Variants in PTPN23 observed in about 807,000 individuals in gnomAD.
PTPN23 encodes protein tyrosine phosphatase non-receptor type 23, also known as tyrosine-protein phosphatase non-receptor type 23.
In PTPN23, 72 loss-of-function variants were observed where a neutral mutation model predicts 156.3. The observed-to-expected ratio is 0.46, with a 90% CI of 0.38 to 0.56. The LOEUF (loss-of-function observed/expected upper bound fraction) is 0.56, where lower values mean the gene tolerates loss of function less well. Among genes scored for constraint, PTPN23 ranks in the 20% least tolerant of loss-of-function variants. The pLI is 0.00. For synonymous variants in PTPN23, 957 were observed against 899.6 expected (o/e 1.06, Z -1.14); for missense variants, 1,974 against 2,171.5 (o/e 0.91, Z 1.81).
In PTPN23 at chr3:47,412,694, C is replaced by T. The variant is rs376023464; in HGVS notation, c.4432-12C>T. On this transcript the variant is annotated splice_polypyrimidine_tract_variant and intron_variant, in intron 24 of 24. Coordinates refer to ENST00000265562, the MANE Select transcript of PTPN23 (RefSeq NM_015466.4). Reference sequence around the variant, plus strand: ...TTGGGACTCCCTCTCCTCACTCACTCTGTCTTCTCAGAACCACCTTCCTCA... The same window carrying T: ...TTGGGACTCCCTCTCCTCACTCACTTTGTCTTCTCAGAACCACCTTCCTCA... 11 of 1,597,910 alleles carry T rather than the reference C, an allele frequency of 6.9e-6. No individual in the cohort carries two copies. Among genetic ancestry groups the T allele is most frequent in the Non-Finnish European group, 9.4e-6 (11 of 1,170,044 alleles).
At chr3:47,408,665 G>A (rs1023233388) in intron 15 of PTPN23, 111 bp from the exon 16 acceptor site, 1 of 1,435,518 alleles carries the variant, frequency 7.0e-7, no homozygotes, top group Non-Finnish European at 9.5e-7. Flanking sequence ...AGTGTGCGCT[G>A]GGCCTCACTT....
intron 2 of PTPN23, among the ~76,000 whole-genome samples, chr3:47,400,217 C>T (rs948894999): frequency 2.0e-5 from 3 of 152,254 alleles, no homozygotes; most frequent in South Asian, 2.1e-4. Context: ...AGGCAGTCCT[C>T]TTTCCCTGAT....
intron 2 of PTPN23, among the ~76,000 whole-genome samples, chr3:47,403,144 G>T (rs1392639737): frequency 7.0e-6 from 1 of 143,244 alleles, no homozygotes; most frequent in Non-Finnish European, 1.6e-5. Flanking sequence ...TCCGCCCCCC[G>T]GGGGTTCACG....
chr3:47,391,847 G>GT (rs1406754106), intron 1 of PTPN23, among the ~76,000 whole-genome samples: 1 of 152,144 alleles, frequency 6.6e-6, no homozygotes, highest in African/African-American at 2.4e-5. Context: ...ATATAGTCAA[G>GT]TTTTACCTCA....
rs372674995 is a variant in PTPN23 at position 47,399,213 on chromosome 3, A to G, written c.159+2996A>G. Among the ~76,000 whole-genome samples, 91 of 152,312 alleles carry G rather than the reference A, an allele frequency of 6.0e-4. 8 individuals carry two copies. In the East Asian group the frequency reaches 9.3e-3, roughly 16 times the overall value. On this transcript the variant is annotated intron_variant, in intron 2 of 24. Transcript: ENST00000265562. ...CTTTTTGTCCATGCTGGCTCCCACA[A>G]GCTGCTCCTGGAACTGGTGCTGGGG...
chr3:47,393,211 G>A (rs1460436132), intron 1 of PTPN23, among the ~76,000 whole-genome samples: 1 of 152,086 alleles, frequency 6.6e-6, no homozygotes, highest in African/African-American at 2.4e-5. Context: ...GGAGTGCAGT[G>A]TTGTAATCTC....
rs1705117425 is a variant in PTPN23 at position 47,406,126 on chromosome 3, T to C, written c.546+80T>C. 7.7e-6 allele frequency: 12 copies of C among 1,558,338 alleles called. No individual in the cohort carries two copies. The highest frequency in any genetic ancestry group is 1.2e-5 in the South Asian group (1 of 84,640). On this transcript the variant is annotated intron_variant, in intron 6 of 24. Coordinates refer to ENST00000265562, the MANE Select transcript of PTPN23 (RefSeq NM_015466.4). The surrounding 1 kb of genome is among the most constrained non-coding windows in gnomAD (Gnocchi z 5.8). ...GGAGGGGGCAGTTGGGCCTGGATCC[T>C]GGACCAAGGCAGTGAGGGACAAGCA...
rs552266464 is a variant in PTPN23 at position 47,410,144 on chromosome 3, A to C, written c.2346A>C (p.Pro782=). 6.9e-6 allele frequency: 11 copies of C among 1,593,058 alleles called. No individual in the cohort carries two copies. The South Asian group carries it at 9.1e-5, about 13-fold the overall frequency. ...PPSPFPSSTG[P]GPHYLSGPLP... is the part of the protein sequence containing the mutation. ...GCCCCTTCCCCAGCTCCACAGGCCC[A>C]GGACCCCACTATCTCTCAGGCCCCT... Residue 782 remains proline (P), a synonymous_variant, in exon 20 of 25, where the codon CCA becomes CCC. Coordinates refer to ENST00000265562, the MANE Select transcript of PTPN23 (RefSeq NM_015466.4).
At position 47,405,836 on chromosome 3, in the gene PTPN23, C is replaced by G. The variant is rs1052554490; in HGVS notation, c.414+38C>G. On this transcript the variant is annotated intron_variant, in intron 5 of 24. Transcript: ENST00000265562. This position sits in a 1 kb window ranked among gnomAD's most constrained non-coding sequence, Gnocchi z 4.7. ...GCAGTAGTGGAACATGTGGACATACCAGGGAGGGGCAGCCTCCCAAGTATG... is the reference window on the plus strand; with the variant it reads ...GCAGTAGTGGAACATGTGGACATACGAGGGAGGGGCAGCCTCCCAAGTATG... 2.5e-6 allele frequency: 4 copies of G among 1,589,112 alleles called. No individual in the cohort carries two copies. Among genetic ancestry groups the G allele is most frequent in the African/African-American group, 1.3e-5 (1 of 74,496 alleles).
In PTPN23 at chr3:47,407,165, T is replaced by C. The variant is rs1285394466; in HGVS notation, c.843T>C (p.Asn281=). 6.2e-7 allele frequency: 1 copy of C among 1,614,050 alleles called. No homozygotes were observed. Among genetic ancestry groups the C allele is most frequent in the Non-Finnish European group, 8.5e-7 (1 of 1,179,986 alleles). ...TCCAGAGCGCCCTGGACAAGCTCAA[T>C]GAAGCCATCAAGTTGGCCAAGGTAA... ...AYFQSALDKL[N]EAIKLAKGQP... is the part of the protein sequence containing the mutation. Residue 281 remains asparagine (N), a synonymous_variant, in exon 10 of 25, where the codon AAT becomes AAC. Transcript: ENST00000265562. The surrounding 1 kb of genome is among the most constrained non-coding windows in gnomAD (Gnocchi z 4.0).
intron 2 of PTPN23, among the ~76,000 whole-genome samples, chr3:47,403,421 T>A (rs1258509654): frequency 6.6e-6 from 1 of 151,900 alleles, no homozygotes; most frequent in Admixed American, 6.6e-5. Flanking sequence ...AACTAGAGAC[T>A]CTTGTCTTTA....
chr3:47,384,979 C>A (rs960411371), intron 1 of PTPN23, among the ~76,000 whole-genome samples: 2 of 152,160 alleles, frequency 1.3e-5, no homozygotes, highest in Non-Finnish European at 2.9e-5. Context: ...TCAGGCTGGT[C>A]TTGAACCCCC....
chr3:47,400,556 C>T (rs577912892), intron 2 of PTPN23, among the ~76,000 whole-genome samples: 2 of 152,304 alleles, frequency 1.3e-5, no homozygotes, highest in East Asian at 1.9e-4. Flanking sequence ...TTAGGAAGTA[C>T]AAGACAAATT....
chr3:47,394,396 T>G (rs1704837081), intron 1 of PTPN23, among the ~76,000 whole-genome samples: 1 of 152,198 alleles, frequency 6.6e-6, no homozygotes, highest in Non-Finnish European at 1.5e-5. Flanking sequence ...GTAGAGAAAG[T>G]AGGGACAATG....
rs754707186 is a variant in PTPN23, at chr3:47,407,204, C to T, written c.864+18C>T. On this transcript the variant is annotated intron_variant, in intron 10 of 24. Transcript: ENST00000265562. The surrounding 1 kb of genome is among the most constrained non-coding windows in gnomAD (Gnocchi z 4.0). ...TGGCCAAGGTAAAGCTGAGGAAGGC[C>T]TGGCTGCCCTGAGGGTATAGGAGCA... 50 of 1,613,926 alleles carry T rather than the reference C, an allele frequency of 3.1e-5. No homozygotes were observed. Among genetic ancestry groups the T allele is most frequent in the Non-Finnish European group, 4.2e-5 (49 of 1,179,972 alleles).
chr3:47,392,550 G>T (rs900774455), intron 1 of PTPN23, among the ~76,000 whole-genome samples: 1 of 152,078 alleles, frequency 6.6e-6, no homozygotes, highest in Non-Finnish European at 1.5e-5. Flanking sequence ...TTGAGGGAGG[G>T]AGTGGAGAGG....
rs114781181 is a variant in PTPN23 at position 47,411,227 on chromosome 3, C to T, written c.3429C>T (p.Pro1143=). The change falls in exon 20 of 25, where the codon CCC becomes CCT. Residue 1143 remains proline (P), a synonymous_variant. Coordinates refer to ENST00000265562, the MANE Select transcript of PTPN23 (RefSeq NM_015466.4). The surrounding 1 kb of genome is among the most constrained non-coding windows in gnomAD (Gnocchi z 6.3). ...GGGGTGGGCAGCCCCTGCTGCAGCC[C>T]ACCAAGGTGGATGCAGCTGAGGGTC... The part of the protein sequence containing the change: ...SPGGGQPLLQ[P]TKVDAAEGRR... The T allele has an allele frequency of 5.4e-4, 874 of 1,606,898 alleles. 5 individuals carry two copies. The African/African-American group carries it at 0.01, about 19-fold the overall frequency.
Position 47,404,990 on chromosome 3 carries a change from G to C in PTPN23, c.288-15G>C. 6.2e-7 allele frequency: 1 copy of C among 1,614,120 alleles called. No homozygotes were observed. The highest frequency in any genetic ancestry group is 2.2e-5 in the East Asian group (1 of 44,880). ...AGCTCCTGCCCTCGAGATAACTGGG[G>C]TGCCATGTCTGCAGGACAGAGATCT... On this transcript the variant is annotated splice_polypyrimidine_tract_variant and intron_variant, in intron 3 of 24. Coordinates refer to ENST00000265562, the MANE Select transcript of PTPN23 (RefSeq NM_015466.4).
chr3:47,384,111 CT>C (rs112958005), intron 1 of PTPN23, among the ~76,000 whole-genome samples: 65 of 146,172 alleles, frequency 4.4e-4, no homozygotes, highest in East Asian at 5.9e-4. Context: ...AAGAGACAGC[CT>C]TTTTTTTTTT....
Sources: gnomAD v4.1 joint callset for allele counts (sites outside exome capture counted in the v4.1 genomes callset) on GRCh38, gnomAD v4.1.1 for gene constraint, Gnocchi (gnomAD v3.1) non-coding constraint, MANE v1.5 for transcripts, NCBI Gene and HGNC (gene_info 2026-07-23, HGNC 2026-07-21) for gene names.